IMPA1: variants seen among roughly 807,000 people sequenced by gnomAD.
IMPA1 encodes the protein D-galactose 1-phosphate phosphatase.
A neutral mutation model predicts 34.9 loss-of-function variants in IMPA1; 21 were observed. The observed-to-expected ratio is 0.60, with a 90% CI of 0.43 to 0.87. The LOEUF is 0.87. IMPA1 is among the 40% of genes least tolerant of loss of function. The pLI, the probability that IMPA1 is intolerant of heterozygous loss-of-function variation, is 0.00. For synonymous variants in IMPA1, 95 were observed against 104.4 expected (o/e 0.91, Z 0.55); for missense variants, 299 against 336.4 (o/e 0.89, Z 0.87).
rs1778266056 is a variant in IMPA1, at chr8:81,678,820, T to C, written c.302+306A>G. The C allele has an allele frequency of 3.4e-5, 9 of 267,356 alleles. No homozygotes were observed. The South Asian group carries it at 3.4e-4, about 10-fold the overall frequency. 16.6% of individuals were successfully genotyped at this position (267,356 alleles called of 1,614,324 possible). ...ATGCAGTGCAAAGTGCCCTTCCCAC[T>C]CTCAAAGCAGCAATGTTGTTTGCTT... is the stretch of plus-strand genomic sequence containing the variant. On this transcript the variant is annotated intron_variant, in intron 4 of 8. Coordinates refer to ENST00000256108, the MANE Select transcript of IMPA1 (RefSeq NM_005536.4).
intron 7 of IMPA1, among the ~76,000 whole-genome samples, chr8:81,668,125 C>T (rs1162911692): frequency 1.3e-5 from 2 of 152,132 alleles, no homozygotes; most frequent in Non-Finnish European, 2.9e-5. Context: ...GGCCAGCCAA[C>T]TTGACAGGGT....
At chr8:81,676,779 G>A (rs1807144704) in intron 4 of IMPA1, among the ~76,000 whole-genome samples, 1 of 151,806 alleles carries the variant, frequency 6.6e-6, no homozygotes, top group African/African-American at 2.4e-5. Context: ...GGGCCCAGGA[G>A]TTCGAGACCA....
chr8:81,666,180 C>T (rs977879196), intron 7 of IMPA1, among the ~76,000 whole-genome samples: 38 of 151,710 alleles, frequency 2.5e-4, no homozygotes, highest in Admixed American at 7.2e-4. Context: ...TAGGCGAAGC[C>T]AAAACATTCT....
intron 4 of IMPA1, chr8:81,678,655 G>T: frequency 5.3e-6 from 1 of 189,648 alleles, no homozygotes; most frequent in East Asian, 1.8e-4. Flanking sequence ...CTGCGCCATT[G>T]CATCTCAGCC....
At chr8:81,683,989 A>T (rs1157581127) in intron 1 of IMPA1, among the ~76,000 whole-genome samples, 1 of 152,020 alleles carries the variant, frequency 6.6e-6, no homozygotes, top group African/African-American at 2.4e-5. Flanking sequence ...CTACAGTCAG[A>T]CAAGGTAGGT....
In IMPA1 at chr8:81,659,144, T is replaced by C. The variant is rs891307121; in HGVS notation, c.*207A>G. On this transcript the variant is annotated 3_prime_UTR_variant, in exon 9 of 9. Coordinates refer to ENST00000256108, the MANE Select transcript of IMPA1 (RefSeq NM_005536.4). ...GGGTATGTTTCCTAAAGTACATTCT[T>C]ACATGCAAAATTTTTTAAATCAGTG... is the stretch of plus-strand genomic sequence containing the variant. 5.3e-6 allele frequency: 3 copies of C among 564,452 alleles called. No individual in the cohort carries two copies. The highest frequency in any genetic ancestry group is 9.4e-6 in the Non-Finnish European group (3 of 320,290). 35.0% of individuals were successfully genotyped at this position (564,452 alleles called of 1,614,324 possible). A position where few individuals can be genotyped will look rare whatever the true frequency, so the allele number is the denominator to read the frequency against.
chr8:81,682,283 T>C (rs923569761), intron 1 of IMPA1, among the ~76,000 whole-genome samples: 2 of 152,200 alleles, frequency 1.3e-5, no homozygotes, highest in Non-Finnish European at 2.9e-5. Flanking sequence ...AACTCACCAC[T>C]GGCTTGATCA....
intron 8 of IMPA1, 35 bp from the exon 9 acceptor site, chr8:81,659,501 T>C: frequency 8.7e-7 from 1 of 1,149,948 alleles, no homozygotes; most frequent in South Asian, 1.2e-5. Flanking sequence ...TAATTTTATC[T>C]GGTACAAAAA....
rs1180017646 is a variant in IMPA1, at chr8:81,681,193, A to G, written c.63+305T>C. Among the ~76,000 whole-genome samples the G allele has an allele frequency of 2.6e-5, 4 of 152,170 alleles. No homozygotes were observed. In the East Asian group the frequency reaches 7.7e-4, roughly 29 times the overall value. ...GTCCAGGAATTCAAGACCAGCCTGG[A>G]CAACACAGCGAGACCCTCATCTCCA... is the stretch of plus-strand genomic sequence containing the variant. On this transcript the variant is annotated intron_variant, in intron 2 of 8. Coordinates refer to ENST00000256108, the MANE Select transcript of IMPA1 (RefSeq NM_005536.4).
At chr8:81,679,315 T>A in intron 3 of IMPA1, 85 bp from the exon 4 acceptor site, 1 of 943,348 alleles carries the variant, frequency 1.1e-6, no homozygotes, top group Non-Finnish European at 1.7e-6. Context: ...CTACACAGAG[T>A]ACTATAAAAC....
rs971916626 is a variant in IMPA1 at position 81,686,301 on chromosome 8, C to G, written c.-74G>C. ...GCTCTGTGAACGGTGTTACCGCACT[C>G]GTCTCTTCCGGAGGTAGAGGGGCTA... On this transcript the variant is annotated 5_prime_UTR_variant, in exon 1 of 9. Transcript: ENST00000256108. 12 of 988,794 alleles carry G rather than the reference C, an allele frequency of 1.2e-5. No individual in the cohort carries two copies. The highest frequency in any genetic ancestry group is 1.4e-5 in the Non-Finnish European group (12 of 832,074). The allele number at this position is 988,794 out of a possible 1,614,324, so 61.3% of individuals were successfully genotyped here. A position where few individuals can be genotyped will look rare whatever the true frequency, so the allele number is the denominator to read the frequency against.
At chr8:81,685,904 G>A in intron 1 of IMPA1, 1 of 1,545,352 alleles carries the variant, frequency 6.5e-7, no homozygotes, top group Non-Finnish European at 8.7e-7. Flanking sequence ...CAGGACCTGG[G>A]CGCTGCCCCA....
chr8:81,670,365 G>GAA (rs145778944), intron 7 of IMPA1, among the ~76,000 whole-genome samples: 2 of 149,418 alleles, frequency 1.3e-5, no homozygotes, highest in African/African-American at 4.9e-5. Flanking sequence ...AATCAAAAAG[G>GAA]AAAAAAAAGG....
At chr8:81,665,636 A>T (rs1806799682) in intron 7 of IMPA1, among the ~76,000 whole-genome samples, 2 of 152,140 alleles carry the variant, frequency 1.3e-5, no homozygotes, top group Admixed American at 1.3e-4. Context: ...GAAACACACG[A>T]CTGACCCAGA....
Position 81,659,401 on chromosome 8 carries a change from T to C in IMPA1, c.784A>G (p.Ile262Val), listed in dbSNP as rs778270892. ...GGTATAACCTGAATTTCTTTAGCTA[T>C]CCTTTCTGCTAATATTCTATTATTT... The part of the protein sequence containing the change: ...AANNRILAER[I>V]AKEIQVIPLQ... Residue 262 changes from isoleucine (I) to valine (V), a missense_variant, in exon 9 of 9, where the codon ATA becomes GTA. By Grantham distance (29) the Ile-to-Val change is conservative. Transcript: ENST00000256108. 16 of 1,612,554 alleles carry C rather than the reference T, an allele frequency of 9.9e-6. No homozygotes were observed. The South Asian group carries it at 1.6e-4, about 17-fold the overall frequency.
intron 1 of IMPA1, among the ~76,000 whole-genome samples, chr8:81,685,456 ATAAGTATATATACC>A (rs1188019800): frequency 7.0e-6 from 1 of 142,232 alleles, no homozygotes; most frequent in African/African-American, 2.5e-5. Flanking sequence ...TGTACTATAT[ATAAGTATATATACC>A]TAAGTATATT....
chr8:81,684,120 C>T (rs1397811123), intron 1 of IMPA1, among the ~76,000 whole-genome samples: 2 of 118,444 alleles, frequency 1.7e-5, no homozygotes, highest in Non-Finnish European at 3.9e-5. Context: ...TATATACACA[C>T]ACACACACAT....
At chr8:81,682,313 A>G (rs1187449074) in intron 1 of IMPA1, among the ~76,000 whole-genome samples, 1 of 152,174 alleles carries the variant, frequency 6.6e-6, no homozygotes, top group Non-Finnish European at 1.5e-5. Flanking sequence ...GTCTGTACCT[A>G]GCACAGTAAA....
intron 6 of IMPA1, among the ~76,000 whole-genome samples, chr8:81,671,410 ATTTTAC>A (rs1434102909): frequency 2.6e-5 from 4 of 152,136 alleles, no homozygotes; most frequent in African/African-American, 4.8e-5. Flanking sequence ...AAAAGTAAAA[ATTTTAC>A]TTTTACAACA....
Sources: gnomAD v4.1 joint callset for allele counts (sites outside exome capture counted in the v4.1 genomes callset) on GRCh38, gnomAD v4.1.1 for gene constraint, MANE v1.5 for transcripts, NCBI Gene and HGNC (gene_info 2026-07-23, HGNC 2026-07-21) for gene names.